JAZF1: variants seen among roughly 807,000 people sequenced by gnomAD.
JAZF1 encodes the protein JAZF zinc finger 1, also known as juxtaposed with another zinc finger protein 1.
Under a neutral mutation model 26.4 loss-of-function variants are expected in JAZF1, and 8 were observed. The ratio of observed to expected loss-of-function variants is 0.30; its 90% CI spans 0.18 to 0.55. The LOEUF is 0.55. Ranked by LOEUF, JAZF1 falls within the 20% of genes least tolerant of loss-of-function variation. JAZF1 has a pLI of 0.94. For missense variants in JAZF1, 199 were observed against 322.0 expected, an observed-to-expected ratio of 0.62 and a Z score of 2.92; for synonymous variants, 126 against 122.3, an observed-to-expected ratio of 1.03 and a Z score of -0.20.
At chr7:27,920,432 T>C (rs940865379) in intron 2 of JAZF1, among the ~76,000 whole-genome samples, 1 of 152,246 alleles carries the variant, frequency 6.6e-6, no homozygotes, top group African/African-American at 2.4e-5. Context: ...GCACATTCCA[T>C]AACTGAACTG....
chr7:27,845,567 C>T (rs1056204565), intron 3 of JAZF1, among the ~76,000 whole-genome samples: 1 of 151,700 alleles, frequency 6.6e-6, no homozygotes, highest in East Asian at 1.9e-4. Context: ...CGTGGAGGCA[C>T]GAGCCTGTAA....
intron 1 of JAZF1, among the ~76,000 whole-genome samples, chr7:28,086,975 T>C (rs1344671974): frequency 6.6e-6 from 1 of 152,242 alleles, no homozygotes; most frequent in African/African-American, 2.4e-5. Context: ...GCCCTTTATT[T>C]AACTTACTAT....
At chr7:27,857,949 G>A (rs1783302106) in intron 3 of JAZF1, among the ~76,000 whole-genome samples, 1 of 152,202 alleles carries the variant, frequency 6.6e-6, no homozygotes, top group East Asian at 1.9e-4. Context: ...AAGAGAGGAA[G>A]TCAAATTGTC....
At chr7:27,922,675 T>G (rs189723513) in intron 2 of JAZF1, among the ~76,000 whole-genome samples, 10 of 80,214 alleles carry the variant, frequency 1.2e-4, no homozygotes, top group African/African-American at 1.4e-4. Context: ...TAATAATGGG[T>G]TTTTTTTTGC....
chr7:28,031,614 T>G (rs552453626), intron 1 of JAZF1, among the ~76,000 whole-genome samples: 4 of 152,294 alleles, frequency 2.6e-5, no homozygotes, highest in Non-Finnish European at 5.9e-5. Flanking sequence ...GCTTCTTTCA[T>G]TATTCTCAGC....
chr7:28,105,631 A>G (rs564007255), intron 1 of JAZF1, among the ~76,000 whole-genome samples: 1 of 152,296 alleles, frequency 6.6e-6, no homozygotes, highest in African/African-American at 2.4e-5. Flanking sequence ...TAAATACCCT[A>G]ATATCAAAGT....
intron 2 of JAZF1, among the ~76,000 whole-genome samples, chr7:27,904,387 C>T (rs910569270): frequency 5.3e-5 from 8 of 152,236 alleles, no homozygotes; most frequent in South Asian, 2.1e-4. Flanking sequence ...GTTAAAACAG[C>T]GAGTTAGTAA....
intron 3 of JAZF1, among the ~76,000 whole-genome samples, chr7:27,856,864 C>T (rs955402009): frequency 1.3e-5 from 2 of 152,220 alleles, no homozygotes; most frequent in African/African-American, 4.8e-5. Flanking sequence ...CTGAGCTAGA[C>T]ACAGGTGCTG....
In JAZF1 at chr7:27,981,587, T is replaced by C. The variant is rs551019598; in HGVS notation, c.188+10322A>G. ...TGTACAGCTCTCAATTAAAAAATTA[T>C]ATATGTATTTTTATAAAATGATCTG... On this transcript the variant is annotated intron_variant, in intron 2 of 4. Transcript: ENST00000283928. 3.9e-5 allele frequency among the ~76,000 whole-genome samples: 6 copies of C among 152,344 alleles called. No individual in the cohort carries two copies. In the South Asian group the frequency reaches 1.2e-3, roughly 32 times the overall value.
intron 1 of JAZF1, chr7:28,071,612 A>G: frequency 2.1e-6 from 1 of 471,876 alleles, no homozygotes. Flanking sequence ...GAAACCTTTC[A>G]CTTACCATTT....
intron 1 of JAZF1, among the ~76,000 whole-genome samples, chr7:27,996,342 G>A (rs897967081): frequency 5.9e-5 from 9 of 152,154 alleles, no homozygotes; most frequent in African/African-American, 1.9e-4. Flanking sequence ...GTGATATCAC[G>A]CCGTTTGAGA....
chr7:27,956,875 ACT>A (rs1785104390), intron 2 of JAZF1, among the ~76,000 whole-genome samples: 1 of 152,124 alleles, frequency 6.6e-6, no homozygotes, highest in African/African-American at 2.4e-5. Flanking sequence ...GAGGCAGTAA[ACT>A]CTGTTGAGTG....
At chr7:27,836,066 A>C (rs925638596) in intron 4 of JAZF1, among the ~76,000 whole-genome samples, 3 of 152,220 alleles carry the variant, frequency 2.0e-5, no homozygotes, top group African/African-American at 7.2e-5. Flanking sequence ...AAATTACAGA[A>C]CTGGAATAGG....
At chr7:28,107,635 G>A (rs1026135185) in intron 1 of JAZF1, among the ~76,000 whole-genome samples, 3 of 152,140 alleles carry the variant, frequency 2.0e-5, no homozygotes, top group African/African-American at 4.8e-5. Context: ...TTAAGTGAAC[G>A]TAGTCAACCC....
rs375859244 is a variant in JAZF1 at position 27,898,304 on chromosome 7, T to TATATATATATATATATATAC, written c.189-2889_189-2888insGTATATATATATATATATAT. On this transcript the variant is annotated intron_variant, in intron 2 of 4. Coordinates refer to ENST00000283928, the MANE Select transcript of JAZF1 (RefSeq NM_175061.4). The stretch of plus-strand genomic sequence containing the variant: ...TCTAACTCATATATATATATATATA[T>TATATATATATATATATATAC]ACATCGGTTTTTTTTTTTTTTTTTT... Among the ~76,000 whole-genome samples, 218 of 128,900 alleles carry TATATATATATATATATATAC rather than the reference T, an allele frequency of 1.7e-3. 9 individuals carry two copies. The highest frequency in any genetic ancestry group is 6.0e-3 in the African/African-American group (194 of 32,178). The allele number at this position is 128,900 out of a possible 152,430, so 84.6% of individuals were successfully genotyped here.
intron 2 of JAZF1, chr7:27,913,342 T>C (rs1015846320): frequency 2.2e-6 from 1 of 453,318 alleles, no homozygotes. Flanking sequence ...ATACAATGTG[T>C]TAAGAAAAGG....
intron 2 of JAZF1, among the ~76,000 whole-genome samples, chr7:27,912,433 T>C (rs1215331681): frequency 6.6e-6 from 1 of 152,006 alleles, no homozygotes; most frequent in Non-Finnish European, 1.5e-5. Flanking sequence ...TTGGAGAGGG[T>C]GAGAAAAATC....
intron 1 of JAZF1, among the ~76,000 whole-genome samples, chr7:28,087,696 A>G (rs1031503230): frequency 2.0e-5 from 3 of 152,156 alleles, no homozygotes; most frequent in Admixed American, 6.5e-5. Flanking sequence ...TAGGATAGTG[A>G]GCTTTAGAAT....
rs1254112655 is a variant in JAZF1, at chr7:27,831,730, A to G, written c.*1070T>C. 4.4e-6 allele frequency: 1 copy of G among 225,624 alleles called. No individual in the cohort carries two copies. The highest frequency in any genetic ancestry group is 5.7e-5 in the Admixed American group (1 of 17,526). 14.0% of individuals were successfully genotyped at this position (225,624 alleles called of 1,614,324 possible). On this transcript the variant is annotated 3_prime_UTR_variant, in exon 5 of 5. Transcript: ENST00000283928. ...AAAAAGTAAAAAATGAGCATGAAGAAGAGGCAATAGGGGTCTTAACAAAAG... is the reference window on the plus strand; with the variant it reads ...AAAAAGTAAAAAATGAGCATGAAGAGGAGGCAATAGGGGTCTTAACAAAAG...
Sources: allele counts gnomAD v4.1 joint callset (sites outside exome capture counted in the v4.1 genomes callset), GRCh38; gene constraint gnomAD v4.1.1; transcripts MANE v1.5; gene names NCBI Gene and HGNC (gene_info 2026-07-23, HGNC 2026-07-21).